The following CAMK2B variants were observed in gnomAD, a reference collection of about 807,000 sequenced individuals.
CAMK2B encodes the protein calcium/calmodulin dependent protein kinase II beta.
CAMK2B carries 27 observed loss-of-function variants against 93.7 expected under a neutral mutation model. That is an observed-to-expected ratio of 0.29 (90% CI 0.21 to 0.40). The LOEUF is 0.40. Ranked by LOEUF, CAMK2B falls within the 10% of genes least tolerant of loss-of-function variation. The probability of loss-of-function intolerance (pLI) is 1.00; values close to 1 mark genes in which losing one functional copy is unlikely to be tolerated. For missense variants in CAMK2B, 568 were observed against 895.8 expected, an observed-to-expected ratio of 0.63 and a Z score of 4.67; for synonymous variants, 374 against 358.8, an observed-to-expected ratio of 1.04 and a Z score of -0.48.
chr7:44,277,797 T>C (rs1029067970), intron 2 of CAMK2B, among the ~76,000 whole-genome samples: 1 of 144,668 alleles, frequency 6.9e-6, no homozygotes, highest in Non-Finnish European at 1.5e-5. Context: ...GGGTCCCCTC[T>C]CCATCCCCCA....
chr7:44,320,557 T>G (rs1263727557), intron 1 of CAMK2B, among the ~76,000 whole-genome samples: 2 of 152,214 alleles, frequency 1.3e-5, no homozygotes, highest in Non-Finnish European at 2.9e-5. Context: ...AAGCACCATT[T>G]AAGCGCTAGC....
intron 1 of CAMK2B, among the ~76,000 whole-genome samples, chr7:44,287,168 C>T (rs928419194): frequency 2.0e-5 from 3 of 152,092 alleles, no homozygotes; most frequent in Non-Finnish European, 4.4e-5. Context: ...CCCTGCGCCC[C>T]GCTCCTGGGC....
intron 1 of CAMK2B, among the ~76,000 whole-genome samples, chr7:44,284,749 C>T (rs1339953378): frequency 6.6e-6 from 1 of 152,202 alleles, no homozygotes. Flanking sequence ...TTTGTGCAGT[C>T]AGACATGGGG....
rs1253963869 is a variant in CAMK2B at position 44,311,939 on chromosome 7, C to A, written c.65+13418G>T. Among the ~76,000 whole-genome samples, 1 of 152,198 alleles carries A rather than the reference C, an allele frequency of 6.6e-6. No individual in the cohort carries two copies. The highest frequency in any genetic ancestry group is 1.5e-5 in the Non-Finnish European group (1 of 68,032). ...TCCTGCCCAGGGTCATACAACGGGG[C>A]CCAAATGAGGCACAGGCCCATCCTC... On this transcript the variant is annotated intron_variant, in intron 1 of 23. Coordinates refer to ENST00000395749, the MANE Select transcript of CAMK2B (RefSeq NM_001220.5). This position sits in a 1 kb window ranked among gnomAD's most constrained non-coding sequence, Gnocchi z 4.2.
chr7:44,224,139 C>G lies in CAMK2B; in HGVS notation c.1597+2377G>C, dbSNP rs1370637035. 1.3e-5 allele frequency among the ~76,000 whole-genome samples: 2 copies of G among 152,230 alleles called. No individual in the cohort carries two copies. Among genetic ancestry groups the G allele is most frequent in the African/African-American group, 2.4e-5 (1 of 41,450 alleles). On this transcript the variant is annotated intron_variant, in intron 20 of 23. Transcript: ENST00000395749. This position sits in a 1 kb window ranked among gnomAD's most constrained non-coding sequence, Gnocchi z 4.4. Reference sequence around the variant, plus strand: ...GGAGATGCATGGTCAGAGTTCCAATCAAGAGTGGTAACCGTGCTGAAGTAC... The same window carrying G: ...GGAGATGCATGGTCAGAGTTCCAATGAAGAGTGGTAACCGTGCTGAAGTAC...
chr7:44,282,740 G>A (rs999543946), intron 2 of CAMK2B, among the ~76,000 whole-genome samples: 4 of 152,212 alleles, frequency 2.6e-5, no homozygotes, highest in Non-Finnish European at 5.9e-5. Context: ...GCACAGGCCC[G>A]CCCCCACAGG....
chr7:44,251,260 T>G (rs1041407762), intron 5 of CAMK2B, among the ~76,000 whole-genome samples: 1 of 152,202 alleles, frequency 6.6e-6, no homozygotes, highest in Admixed American at 6.5e-5. Context: ...GGGCTCTGCC[T>G]GGGGGTAAGT....
At chr7:44,295,132 G>A (rs901847616) in intron 1 of CAMK2B, among the ~76,000 whole-genome samples, 2 of 152,218 alleles carry the variant, frequency 1.3e-5, no homozygotes, top group African/African-American at 4.8e-5. Flanking sequence ...TGATGTGTTA[G>A]AATAACAGGT....
chr7:44,321,756 T>C (rs538307311), intron 1 of CAMK2B, among the ~76,000 whole-genome samples: 58 of 152,208 alleles, frequency 3.8e-4, no homozygotes, highest in African/African-American at 1.3e-3. Flanking sequence ...TCCCCAAAAA[T>C]GGAAGATTCA....
chr7:44,240,038 GACA>G (rs758262228), intron 12 of CAMK2B, among the ~76,000 whole-genome samples: 17 of 152,174 alleles, frequency 1.1e-4, no homozygotes, highest in Non-Finnish European at 2.1e-4. Context: ...GATGCAAACG[GACA>G]ACGAGAGAGA....
intron 2 of CAMK2B, among the ~76,000 whole-genome samples, chr7:44,274,718 C>T (rs761260659): frequency 6.6e-6 from 1 of 152,232 alleles, no homozygotes; most frequent in Non-Finnish European, 1.5e-5. Flanking sequence ...AGTCTGCTGG[C>T]GGGTGGCCTG....
rs532760700 is a variant in CAMK2B at position 44,255,670 on chromosome 7, T to C, written c.276-1063A>G. ...AGTTTTCCCCATTGGTTCTGGAATG[T>C]AGGGCTTAGGTCTTCCTCATTTTTG... On this transcript the variant is annotated intron_variant, in intron 4 of 23. Transcript: ENST00000395749. Among the ~76,000 whole-genome samples, 19 of 152,294 alleles carry C rather than the reference T, an allele frequency of 1.2e-4. No individual in the cohort carries two copies. In the South Asian group the frequency reaches 3.7e-3, roughly 30 times the overall value.
At chr7:44,290,304 G>A (rs1335090786) in intron 1 of CAMK2B, among the ~76,000 whole-genome samples, 4 of 152,220 alleles carry the variant, frequency 2.6e-5, no homozygotes, top group African/African-American at 7.2e-5. Context: ...TGCGTCTGAC[G>A]CTCCCCACGC....
chr7:44,223,903 G>T (rs2096443231), intron 20 of CAMK2B, among the ~76,000 whole-genome samples: 2 of 152,322 alleles, frequency 1.3e-5, no homozygotes, highest in South Asian at 4.1e-4. Context: ...CTCCACAGGG[G>T]TTCTCAGGCG....
Position 44,271,214 on chromosome 7 carries a change from G to A in CAMK2B, c.161-8150C>T, listed in dbSNP as rs1280303869. The stretch of plus-strand genomic sequence containing the variant: ...GATTACAGGCATGAGCCACCATCTG[G>A]CCCTCTAGACTCTTAAACAGCTCGC... On this transcript the variant is annotated intron_variant, in intron 2 of 23. Transcript: ENST00000395749. The surrounding 1 kb of genome is among the most constrained non-coding windows in gnomAD (Gnocchi z 4.2). 6.6e-6 allele frequency among the ~76,000 whole-genome samples: 1 copy of A among 152,086 alleles called. No homozygotes were observed. Among genetic ancestry groups the A allele is most frequent in the Non-Finnish European group, 1.5e-5 (1 of 68,006 alleles).
In CAMK2B at chr7:44,225,960, G is replaced by A. The variant is rs1488795713; in HGVS notation, c.1597+556C>T. 29 of 1,238,132 alleles carry A rather than the reference G, an allele frequency of 2.3e-5. No individual in the cohort carries two copies. Among genetic ancestry groups the A allele is most frequent in the Admixed American group, 1.7e-4 (7 of 41,530 alleles). 76.7% of individuals were successfully genotyped at this position (1,238,132 alleles called of 1,614,324 possible). On this transcript the variant is annotated intron_variant, in intron 20 of 23. Transcript: ENST00000395749. The surrounding 1 kb of genome is among the most constrained non-coding windows in gnomAD (Gnocchi z 5.0). Reference sequence around the variant, plus strand: ...GGCCCAGCCTGGCTCCTCCCTGGCCGGGGAGGCTGCCCAGCCTGTGCTTCC... The same window carrying A: ...GGCCCAGCCTGGCTCCTCCCTGGCCAGGGAGGCTGCCCAGCCTGTGCTTCC...
Position 44,225,777 on chromosome 7 carries a change from G to C in CAMK2B, c.1597+739C>G, listed in dbSNP as rs1196096636. Reference sequence around the variant, plus strand: ...CAAGTACTTACCTAGCCACTGCCCTGCCATGCCGAGCCCGTGGCCCAGCAG... The same window carrying C: ...CAAGTACTTACCTAGCCACTGCCCTCCCATGCCGAGCCCGTGGCCCAGCAG... On this transcript the variant is annotated intron_variant, in intron 20 of 23. Coordinates refer to ENST00000395749, the MANE Select transcript of CAMK2B (RefSeq NM_001220.5). The surrounding 1 kb of genome is among the most constrained non-coding windows in gnomAD (Gnocchi z 5.0). 1 of 1,289,470 alleles carries C rather than the reference G, an allele frequency of 7.8e-7. No individual in the cohort carries two copies. The highest frequency in any genetic ancestry group is 2.3e-5 in the Admixed American group (1 of 43,564). The allele number at this position is 1,289,470 out of a possible 1,614,324, so 79.9% of individuals were successfully genotyped here. A position where few individuals can be genotyped will look rare whatever the true frequency, so the allele number is the denominator to read the frequency against.
intron 1 of CAMK2B, among the ~76,000 whole-genome samples, chr7:44,301,753 G>GT (rs1014040916): frequency 2.0e-5 from 3 of 151,726 alleles, no homozygotes; most frequent in African/African-American, 7.3e-5. Flanking sequence ...CTCCAGCCTG[G>GT]TGACAGAGCA....
At position 44,248,966 on chromosome 7, in the gene CAMK2B, C is replaced by CTCCTCCCCATGTGCCCTGGGGTG. The variant is rs2096755345; in HGVS notation, c.342-1797_342-1775dup. Among the ~76,000 whole-genome samples the CTCCTCCCCATGTGCCCTGGGGTG allele has an allele frequency of 2.6e-5, 4 of 152,054 alleles. No individual in the cohort carries two copies. Among genetic ancestry groups the CTCCTCCCCATGTGCCCTGGGGTG allele is most frequent in the Admixed American group, 2.6e-4 (4 of 15,270 alleles). On this transcript the variant is annotated intron_variant, in intron 5 of 23. Coordinates refer to ENST00000395749, the MANE Select transcript of CAMK2B (RefSeq NM_001220.5). This position sits in a 1 kb window ranked among gnomAD's most constrained non-coding sequence, Gnocchi z 4.1. ...TATGCCCTGGGGTGTCCTGCCTTCC[C>CTCCTCCCCATGTGCCCTGGGGTG]TCCTCCCCATGTGCCCTGGGGTGTC...
Sources: gnomAD v4.1 joint callset for allele counts (sites outside exome capture counted in the v4.1 genomes callset) on GRCh38, gnomAD v4.1.1 for gene constraint, Gnocchi (gnomAD v3.1) non-coding constraint, MANE v1.5 for transcripts, NCBI Gene and HGNC (gene_info 2026-07-23, HGNC 2026-07-21) for gene names.